GARRE1: variants seen among roughly 807,000 people sequenced by gnomAD.
GARRE1 encodes granule associated Rac and RHOG effector 1, also known as granule associated Rac and RHOG effector protein 1.
In GARRE1, 49 loss-of-function variants were observed where a neutral mutation model predicts 103.2. The observed-to-expected ratio is 0.47, with a 90% CI of 0.38 to 0.60. GARRE1 has a LOEUF of 0.60. Among genes scored for constraint, GARRE1 ranks in the 20% least tolerant of loss-of-function variants. The pLI, the probability that GARRE1 is intolerant of heterozygous loss-of-function variation, is 0.00. For missense variants in GARRE1, 1,199 were observed against 1,370.5 expected, an observed-to-expected ratio of 0.87 and a Z score of 1.98; for synonymous variants, 505 against 532.8, an observed-to-expected ratio of 0.95 and a Z score of 0.72.
intron 2 of GARRE1, among the ~76,000 whole-genome samples, chr19:34,318,590 T>C (rs74724298): frequency 5.0e-4 from 76 of 152,262 alleles, no homozygotes; most frequent in African/African-American, 1.6e-3. Flanking sequence ...AAAAAATTAT[T>C]AGGGAGCAGG....
chr19:34,319,943 C>T lies in GARRE1; in HGVS notation c.532C>T (p.His178Tyr). The change falls in exon 3 of 14, where the codon CAT (histidine) becomes TAT (tyrosine). Residue 178 changes from histidine to tyrosine, a missense_variant. Coordinates refer to ENST00000299505, the MANE Select transcript of GARRE1 (RefSeq NM_014686.5). ...GRCFLTVVQV[H>Y]FQFLTHALQK... ...ATGTTTCCTGACTGTGGTGCAAGTC[C>T]ATTTCCAGTTTTTGACTCATGCGTT... The T allele has an allele frequency of 5.0e-6, 8 of 1,614,230 alleles. No homozygotes were observed. Among genetic ancestry groups the T allele is most frequent in the Non-Finnish European group, 5.1e-6 (6 of 1,180,042 alleles).
chr19:34,301,032 G>A (rs2073976358), intron 2 of GARRE1, 64 bp downstream of exon 2: 1 of 1,493,144 alleles, frequency 6.7e-7, no homozygotes, highest in African/African-American at 1.4e-5. Flanking sequence ...TGAGAATATT[G>A]TCTTAAGTTT....
At chr19:34,323,972 C>G (rs1222914011) in intron 3 of GARRE1, among the ~76,000 whole-genome samples, 1 of 152,182 alleles carries the variant, frequency 6.6e-6, no homozygotes, top group East Asian at 1.9e-4. Context: ...CCTCATGTGG[C>G]CAAGCCACCA....
At position 34,349,128 on chromosome 19, in the gene GARRE1, C is replaced by A. The variant is rs1239860409; in HGVS notation, c.2800C>A (p.Leu934Ile). 1 of 1,612,646 alleles carries A rather than the reference C, an allele frequency of 6.2e-7. No individual in the cohort carries two copies. The highest frequency in any genetic ancestry group is 8.5e-7 in the Non-Finnish European group (1 of 1,180,012). Residue 934 changes from leucine (L) to isoleucine (I), a missense_variant, in exon 12 of 14, where the codon CTC becomes ATC. By Grantham distance (5) the Leu-to-Ile change is conservative. Transcript: ENST00000299505. Reference protein sequence around the residue: ...SLFSMFSGPDLVAAVKQRRKH... With the variant: ...SLFSMFSGPDIVAAVKQRRKH... Reference sequence around the variant, plus strand: ...GTTCTCCATGTTTTCAGGGCCTGACCTCGTTGCTGCTGTCAAGCAGAGAAG... The same window carrying A: ...GTTCTCCATGTTTTCAGGGCCTGACATCGTTGCTGCTGTCAAGCAGAGAAG...
chr19:34,338,062 G>A (rs1006105824), intron 8 of GARRE1, among the ~76,000 whole-genome samples: 1 of 152,172 alleles, frequency 6.6e-6, no homozygotes, highest in Non-Finnish European at 1.5e-5. Flanking sequence ...AGCCTGGCCG[G>A]CTCTCATTTC....
At chr19:34,298,186 C>T (rs138527585) in intron 1 of GARRE1, among the ~76,000 whole-genome samples, 4 of 152,136 alleles carry the variant, frequency 2.6e-5, no homozygotes, top group East Asian at 1.9e-4. Context: ...TGGGCTGAGG[C>T]GGGAGGATCA....
intron 7 of GARRE1, among the ~76,000 whole-genome samples, chr19:34,331,619 C>A (rs1028070319): frequency 6.6e-6 from 1 of 152,122 alleles, no homozygotes; most frequent in South Asian, 2.1e-4. Context: ...TCTGAAATCA[C>A]CATTTAGCTT....
At chr19:34,304,374 ATTT>A (rs1227745814) in intron 2 of GARRE1, among the ~76,000 whole-genome samples, 2 of 113,670 alleles carry the variant, frequency 1.8e-5, no homozygotes. Flanking sequence ...CATCTTTGTA[ATTT>A]TTTTTTTTTT....
At chr19:34,341,235 C>T (rs762870331) in intron 9 of GARRE1, 187 bp from the exon 10 acceptor site, 24 of 577,982 alleles carry the variant, frequency 4.2e-5, no homozygotes, top group Admixed American at 6.6e-5. Context: ...TCCAGTCCTG[C>T]GTTAGACACT....
chr19:34,315,028 AAG>A (rs1479351082), intron 2 of GARRE1, among the ~76,000 whole-genome samples: 1 of 152,218 alleles, frequency 6.6e-6, no homozygotes, highest in African/African-American at 2.4e-5. Context: ...ATTGAAGAGA[AAG>A]AAATGATTGA....
chr19:34,276,295 G>A (rs957287766), intron 1 of GARRE1, among the ~76,000 whole-genome samples: 1 of 152,034 alleles, frequency 6.6e-6, no homozygotes, highest in Admixed American at 6.6e-5. Context: ...TGCCTGCCTC[G>A]GCCTCCCAAA....
intron 2 of GARRE1, among the ~76,000 whole-genome samples, chr19:34,307,945 A>G (rs2074018473): frequency 6.6e-6 from 1 of 151,006 alleles, no homozygotes; most frequent in South Asian, 2.1e-4. Context: ...ACAAGTATGT[A>G]TCACTGGGCC....
intron 2 of GARRE1, among the ~76,000 whole-genome samples, chr19:34,309,694 T>G (rs1180830294): frequency 6.6e-6 from 1 of 152,180 alleles, no homozygotes; most frequent in African/African-American, 2.4e-5. Flanking sequence ...TCTGCTTTTG[T>G]GTACGTTTGG....
At chr19:34,346,686 G>C (rs1292887671) in intron 10 of GARRE1, among the ~76,000 whole-genome samples, 1 of 152,190 alleles carries the variant, frequency 6.6e-6, no homozygotes, top group East Asian at 1.9e-4. Flanking sequence ...GCGCGATCTT[G>C]GCTCCCTGCA....
At chr19:34,298,713 AAATAAT>A (rs67913728) in intron 1 of GARRE1, among the ~76,000 whole-genome samples, 1 of 152,056 alleles carries the variant, frequency 6.6e-6, no homozygotes, top group Non-Finnish European at 1.5e-5. Context: ...ATCTCAAAAA[AAATAAT>A]AATAATAAGT....
chr19:34,347,274 T>C (rs922169613), intron 10 of GARRE1, among the ~76,000 whole-genome samples: 1 of 151,720 alleles, frequency 6.6e-6, no homozygotes, highest in Non-Finnish European at 1.5e-5. Flanking sequence ...TTTTTAGTAG[T>C]GGTGACAGGG....
intron 1 of GARRE1, chr19:34,265,425 G>A (rs939621816): frequency 6.6e-6 from 1 of 152,250 alleles, no homozygotes; most frequent in African/African-American, 2.4e-5. Context: ...ACTTTGTAAT[G>A]TACTTTGTAA....
At chr19:34,290,589 C>A (rs774005278) in intron 1 of GARRE1, among the ~76,000 whole-genome samples, 6 of 151,940 alleles carry the variant, frequency 3.9e-5, no homozygotes, top group Non-Finnish European at 8.8e-5. Flanking sequence ...CCTCAAACTC[C>A]TGGGTTCAAA....
rs1451163954 is a variant in GARRE1 at position 34,342,248 on chromosome 19, C to T, written c.2314C>T (p.Leu772=). The T allele has an allele frequency of 4.3e-6, 7 of 1,614,122 alleles. No homozygotes were observed. Among genetic ancestry groups the T allele is most frequent in the Non-Finnish European group, 5.9e-6 (7 of 1,180,054 alleles). ...QQPAQAVGAG[L]SPLGQWPGIS... The stretch of plus-strand genomic sequence containing the variant: ...GCCAGCGCAGGCTGTTGGAGCAGGT[C>T]TGTCTCCTCTTGGTCAGTGGCCTGG... The change falls in exon 10 of 14, where the codon CTG becomes TTG. Residue 772 remains leucine (L), a synonymous_variant. Coordinates refer to ENST00000299505, the MANE Select transcript of GARRE1 (RefSeq NM_014686.5).
Sources: allele counts gnomAD v4.1 joint callset (sites outside exome capture counted in the v4.1 genomes callset), GRCh38; gene constraint gnomAD v4.1.1; transcripts MANE v1.5; gene names NCBI Gene and HGNC (gene_info 2026-07-23, HGNC 2026-07-21).